PRIM2: variants seen among roughly 807,000 people sequenced by gnomAD.
The protein encoded by PRIM2 is DNA primase large subunit.
A neutral mutation model predicts 67.3 loss-of-function variants in PRIM2; 39 were observed. The ratio of observed to expected loss-of-function variants is 0.58; its 90% CI spans 0.45 to 0.76. The LOEUF (loss-of-function observed/expected upper bound fraction) is 0.76, where lower values mean the gene tolerates loss of function less well. Ranked by LOEUF, PRIM2 falls within the 30% of genes least tolerant of loss-of-function variation. The pLI is 0.00. For synonymous variants in PRIM2, 143 were observed against 198.7 expected (o/e 0.72, Z 2.36); for missense variants, 398 against 598.7 (o/e 0.66, Z 3.50).
chr6:57,416,027 C>T (rs1339591961), intron 7 of PRIM2, among the ~76,000 whole-genome samples: 2 of 152,196 alleles, frequency 1.3e-5, no homozygotes, highest in Non-Finnish European at 2.9e-5. Context: ...CCGTGAATCA[C>T]AAATGTTCTT....
At chr6:57,238,776 C>G in the PRIM2 span, among the ~76,000 whole-genome samples, 2 of 152,088 alleles carry the variant, frequency 1.3e-5, no homozygotes, top group African/African-American at 4.8e-5. Flanking sequence ...AATCCAGGAG[C>G]TGGTTTTTTG....
upstream of PRIM2, among the ~76,000 whole-genome samples, chr6:57,311,320 C>T (rs1767385092): frequency 7.2e-6 from 1 of 139,302 alleles, no homozygotes; most frequent in African/African-American, 2.8e-5. Context: ...CCATTCAGGG[C>T]AACCAGGCAG....
intron 5 of PRIM2, 138 bp downstream of exon 5, chr6:57,326,183 G>A: frequency 2.3e-6 from 2 of 882,278 alleles, no homozygotes; most frequent in Non-Finnish European, 3.3e-6. Flanking sequence ...TAATAGCTTT[G>A]GATAACAATA....
intron 7 of PRIM2, among the ~76,000 whole-genome samples, chr6:57,459,390 T>C (rs1772921621): frequency 6.6e-6 from 1 of 152,206 alleles, no homozygotes; most frequent in East Asian, 1.9e-4. Flanking sequence ...AGATTAGGAA[T>C]TGAATAAAAT....
chr6:57,326,689 C>G (rs574610149), intron 5 of PRIM2, among the ~76,000 whole-genome samples: 1 of 151,588 alleles, frequency 6.6e-6, no homozygotes, highest in Admixed American at 6.6e-5. Flanking sequence ...CCGCTGCACT[C>G]TAGTCTGGGC....
the PRIM2 span, among the ~76,000 whole-genome samples, chr6:57,227,496 T>C: frequency 6.6e-6 from 1 of 151,794 alleles, no homozygotes; most frequent in African/African-American, 2.4e-5. Flanking sequence ...ATACAAAAAT[T>C]AGCTGGGCGT....
At chr6:57,583,757 T>C (rs1339484753) in intron 10 of PRIM2, among the ~76,000 whole-genome samples, 3 of 152,266 alleles carry the variant, frequency 2.0e-5, no homozygotes, top group African/African-American at 7.2e-5. Flanking sequence ...CCACACTGAC[T>C]TCTACAATGG....
intron 7 of PRIM2, among the ~76,000 whole-genome samples, chr6:57,443,108 C>CT (rs1297421603): frequency 6.6e-6 from 1 of 152,146 alleles, no homozygotes; most frequent in African/African-American, 2.4e-5. Flanking sequence ...GAATAGTACT[C>CT]TATTGTGTAT....
chr6:57,573,046 G>A (rs1272860156), intron 10 of PRIM2, among the ~76,000 whole-genome samples: 17 of 152,308 alleles, frequency 1.1e-4, no homozygotes, highest in Admixed American at 4.6e-4. Context: ...TTAACCTCAA[G>A]CTCTTGGGCT....
intron 5 of PRIM2, among the ~76,000 whole-genome samples, chr6:57,364,149 C>CT (rs994489004): frequency 1.4e-5 from 2 of 143,928 alleles, no homozygotes; most frequent in African/African-American, 2.6e-5. Context: ...ATTTGCTTTT[C>CT]TTTTTCAAAT....
chr6:57,565,244 C>T (rs1380504357), intron 10 of PRIM2, among the ~76,000 whole-genome samples: 2 of 149,818 alleles, frequency 1.3e-5, no homozygotes, highest in African/African-American at 4.9e-5. Flanking sequence ...TCATACTAAA[C>T]AGTTATCAGT....
the PRIM2 span, among the ~76,000 whole-genome samples, chr6:57,275,032 G>A: frequency 6.6e-6 from 1 of 150,746 alleles, no homozygotes; most frequent in African/African-American, 2.5e-5. Context: ...TGATCCACCT[G>A]CCTTGGATTA....
chr6:57,484,498 A>C (rs1227014882), intron 7 of PRIM2, among the ~76,000 whole-genome samples: 2 of 152,194 alleles, frequency 1.3e-5, no homozygotes, highest in African/African-American at 4.8e-5. Flanking sequence ...AAAAAATCCC[A>C]ACTCCTAACT....
In PRIM2 at chr6:57,388,237, A is replaced by G. The variant is rs569170694; in HGVS notation, c.693+6069A>G. 6.0e-4 allele frequency among the ~76,000 whole-genome samples: 92 copies of G among 152,306 alleles called. 3 individuals are homozygous for G. Among genetic ancestry groups the G allele is most frequent in the South Asian group, 4.1e-3 (20 of 4,830 alleles). ...AGTGATATGATCTGATTTATGTTTT[A>G]AATAGATGACTGTGGCTGCTGCTTG... On this transcript the variant is annotated intron_variant, in intron 7 of 13. Transcript: ENST00000615550.
At chr6:57,466,414 T>C (rs1398403385) in intron 7 of PRIM2, among the ~76,000 whole-genome samples, 1 of 152,240 alleles carries the variant, frequency 6.6e-6, no homozygotes, top group African/African-American at 2.4e-5. Context: ...TCCACAATGG[T>C]TGAACTAATT....
intron 7 of PRIM2, among the ~76,000 whole-genome samples, chr6:57,502,522 T>C (rs1261099120): frequency 6.6e-6 from 1 of 152,190 alleles, no homozygotes; most frequent in Non-Finnish European, 1.5e-5. Context: ...ACGTGACTCA[T>C]GAAGGGACGT....
the PRIM2 span, among the ~76,000 whole-genome samples, chr6:57,294,635 A>G: frequency 6.6e-6 from 1 of 151,318 alleles, no homozygotes; most frequent in East Asian, 1.9e-4. Flanking sequence ...ATATACATAT[A>G]TAACATATGT....
At chr6:57,618,781 GGA>G (rs1262922765) in intron 12 of PRIM2, among the ~76,000 whole-genome samples, 1 of 152,046 alleles carries the variant, frequency 6.6e-6, no homozygotes, top group Non-Finnish European at 1.5e-5. Context: ...ACCCACCCAA[GGA>G]GAGTCTTTGC....
At chr6:57,618,841 C>T (rs1189618621) in intron 12 of PRIM2, among the ~76,000 whole-genome samples, 26 of 151,844 alleles carry the variant, frequency 1.7e-4, no homozygotes, top group African/African-American at 5.6e-4. Flanking sequence ...TCCCTACCCA[C>T]CCAGGTAGCA....
Sources: allele counts gnomAD v4.1 joint callset (sites outside exome capture counted in the v4.1 genomes callset), GRCh38; gene constraint gnomAD v4.1.1; transcripts MANE v1.5; gene names NCBI Gene and HGNC (gene_info 2026-07-23, HGNC 2026-07-21).